HNRNPR: variants seen among roughly 807,000 people sequenced by gnomAD.
HNRNPR encodes the protein heterogeneous nuclear ribonucleoprotein R.
In HNRNPR, 4 loss-of-function variants were observed where a neutral mutation model predicts 70.3. The observed-to-expected ratio is 0.06, with a 90% CI of 0.03 to 0.13. HNRNPR has a LOEUF of 0.13. Among genes scored for constraint, HNRNPR ranks in the 10% least tolerant of loss-of-function variants. The pLI is 1.00. For synonymous variants in HNRNPR, 241 were observed against 267.6 expected (o/e 0.90, Z 0.97); for missense variants, 423 against 788.5 (o/e 0.54, Z 5.55).
At chr1:23,315,289 A>AG (rs1376055957) in intron 8 of HNRNPR, among the ~76,000 whole-genome samples, 5 of 150,186 alleles carry the variant, frequency 3.3e-5, no homozygotes, top group Admixed American at 6.7e-5. Flanking sequence ...CAAAAAAAAA[A>AG]AAAAAAAAAA....
intron 5 of HNRNPR, among the ~76,000 whole-genome samples, chr1:23,325,863 TGTTTG>T (rs1645952199): frequency 2.0e-5 from 3 of 152,106 alleles, no homozygotes; most frequent in African/African-American, 7.2e-5. Flanking sequence ...CACTGATAAA[TGTTTG>T]GTTTGTTTTT....
rs1318149011 is a variant in HNRNPR at position 23,308,753 on chromosome 1, AAAG to A, written c.*1698_*1700del. On this transcript the variant is annotated 3_prime_UTR_variant, in exon 11 of 11. Transcript: ENST00000302271. The stretch of plus-strand genomic sequence containing the variant: ...AAATAGTAATCTTAAATTGAAATGA[AAAG>A]AAGCCATGAAACCCAATATGATCTA... 1.3e-5 allele frequency: 2 copies of A among 152,076 alleles called. No homozygotes were observed. The highest frequency in any genetic ancestry group is 6.5e-5 in the Admixed American group (1 of 15,290). The allele number at this position is 152,076 out of a possible 1,614,324, so 9.4% of individuals were successfully genotyped here.
chr1:23,336,767 CAAAA>C (rs34880516), intron 4 of HNRNPR, among the ~76,000 whole-genome samples: 2 of 59,588 alleles, frequency 3.4e-5, no homozygotes, highest in Non-Finnish European at 4.0e-5. Context: ...GACTCTGTCT[CAAAA>C]AAAAAAAAAA....
At chr1:23,320,308 G>A (rs1160708345) in intron 7 of HNRNPR, among the ~76,000 whole-genome samples, 1 of 152,214 alleles carries the variant, frequency 6.6e-6, no homozygotes, top group African/African-American at 2.4e-5. Context: ...GGTAGCAGTG[G>A]TTACAAAGTG....
At position 23,333,607 on chromosome 1, in the gene HNRNPR, T is replaced by C; in HGVS notation, c.409A>G (p.Thr137Ala). ...CTCTGTCCTGTGGTTACATCCAGAGTATAACCAGTTCTCTCAAGCAAGGCC... is the reference window on the plus strand; with the variant it reads ...CTCTGTCCTGTGGTTACATCCAGAGCATAACCAGTTCTCTCAAGCAAGGCC... ...IKALLERTGYTLDVTTGQRKY... is the reference protein window; with the variant it reads ...IKALLERTGYALDVTTGQRKY... Residue 137 changes from threonine to alanine, a missense_variant, in exon 5 of 11, where the codon ACT becomes GCT. Physicochemically the swap from Thr to Ala is moderately conservative, Grantham distance 58. This residue lies in a region of HNRNPR where 118 missense variants were observed against 239.3 expected (regional missense o/e 0.49). Coordinates refer to ENST00000302271, the MANE Select transcript of HNRNPR (RefSeq NM_005826.5). The C allele has an allele frequency of 4.3e-6, 7 of 1,611,714 alleles. No homozygotes were observed. The highest frequency in any genetic ancestry group is 5.9e-6 in the Non-Finnish European group (7 of 1,177,784).
Position 23,338,539 on chromosome 1 carries a change from G to A in HNRNPR, c.227C>T (p.Ala76Val). ...DALREFNEEG[A>V]LSVLQQFKES... ...CTTGAACTGCTGTAGTACAGACAGA[G>A]CTCCTTCTTCATTAAATTCCCTGAG... Residue 76 changes from alanine (A) to valine (V), a missense_variant, in exon 3 of 11, where the codon GCT becomes GTT. Ala to Val is a moderately conservative substitution (Grantham distance 64). Around this residue, in one of 7 missense-constraint regions of HNRNPR, gnomAD observed 44 missense variants for 89.0 expected, o/e 0.49. Coordinates refer to ENST00000302271, the MANE Select transcript of HNRNPR (RefSeq NM_005826.5). 1.9e-6 allele frequency: 3 copies of A among 1,599,110 alleles called. No homozygotes were observed. The highest frequency in any genetic ancestry group is 2.6e-6 in the Non-Finnish European group (3 of 1,171,450).
chr1:23,327,229 C>T (rs1429295103), intron 5 of HNRNPR, among the ~76,000 whole-genome samples: 1 of 152,082 alleles, frequency 6.6e-6, no homozygotes, highest in African/African-American at 2.4e-5. Flanking sequence ...TGGCTCCCAC[C>T]CTACTCAGAA....
At position 23,309,287 on chromosome 1, in the gene HNRNPR, T is replaced by C. The variant is rs1183353610; in HGVS notation, c.*1167A>G. On this transcript the variant is annotated 3_prime_UTR_variant, in exon 11 of 11. Transcript: ENST00000302271. ...ATTCCTAAACCAGTAACTGAAATGGTAGTCACGATCATTTTCACTAAAACT... is the reference window on the plus strand; with the variant it reads ...ATTCCTAAACCAGTAACTGAAATGGCAGTCACGATCATTTTCACTAAAACT... The C allele has an allele frequency of 6.6e-6, 1 of 152,164 alleles. No homozygotes were observed. The highest frequency in any genetic ancestry group is 1.9e-4 in the East Asian group (1 of 5,202). The allele number at this position is 152,164 out of a possible 1,614,324, so 9.4% of individuals were successfully genotyped here.
intron 4 of HNRNPR, among the ~76,000 whole-genome samples, chr1:23,334,329 C>A (rs1445236564): frequency 6.6e-6 from 1 of 151,478 alleles, no homozygotes; most frequent in African/African-American, 2.4e-5. Context: ...CTCCGCCTCC[C>A]AGGTTCACGC....
chr1:23,326,170 C>T (rs1232682031), intron 5 of HNRNPR, among the ~76,000 whole-genome samples: 1 of 151,652 alleles, frequency 6.6e-6, no homozygotes, highest in Non-Finnish European at 1.5e-5. Context: ...CCACTGCGCC[C>T]GGCCTGTTTT....
At chr1:23,312,672 G>A (rs919161557) in intron 9 of HNRNPR, among the ~76,000 whole-genome samples, 1 of 151,994 alleles carries the variant, frequency 6.6e-6, no homozygotes, top group African/African-American at 2.4e-5. Context: ...AACCAATCAG[G>A]GATTCTATAA....
intron 9 of HNRNPR, among the ~76,000 whole-genome samples, chr1:23,312,080 A>G (rs1183726454): frequency 1.3e-5 from 2 of 152,246 alleles, no homozygotes; most frequent in Middle Eastern, 3.4e-3. Flanking sequence ...CCTCCTCATG[A>G]TATTTTATTT....
At chr1:23,329,655 A>G (rs1646137345) in intron 5 of HNRNPR, among the ~76,000 whole-genome samples, 2 of 152,218 alleles carry the variant, frequency 1.3e-5, no homozygotes, top group Admixed American at 6.5e-5. Context: ...TTTTGAGACA[A>G]GGTACTTGCT....
chr1:23,332,725 C>A (rs1159529055), intron 5 of HNRNPR, among the ~76,000 whole-genome samples: 18 of 146,044 alleles, frequency 1.2e-4, no homozygotes, highest in African/African-American at 4.0e-4. Context: ...CAAAACCAAA[C>A]CAAAAAAAAA....
chr1:23,331,958 C>G (rs1448627959), intron 5 of HNRNPR, among the ~76,000 whole-genome samples: 4 of 151,190 alleles, frequency 2.6e-5, no homozygotes, highest in Non-Finnish European at 4.4e-5. Flanking sequence ...TTGGCGCAAC[C>G]CCGTCTCCAC....
At position 23,340,985 on chromosome 1, in the gene HNRNPR, A is replaced by T; in HGVS notation, c.24T>A (p.Asn8Lys). Reference protein sequence around the residue: MANQVNGNAVQLKEEEEP... With the variant: MANQVNGKAVQLKEEEEP... ...CTTCCTCTTCTTTTAACTGTACCGCATTACCATTCACCTGATTAGCCATTT... is the reference window on the plus strand; with the variant it reads ...CTTCCTCTTCTTTTAACTGTACCGCTTTACCATTCACCTGATTAGCCATTT... Residue 8 changes from asparagine (N) to lysine (K), a missense_variant, in exon 2 of 11, where the codon AAT becomes AAA. This residue lies in a region of HNRNPR where 44 missense variants were observed against 89.0 expected (regional missense o/e 0.49). Coordinates refer to ENST00000302271, the MANE Select transcript of HNRNPR (RefSeq NM_005826.5). The T allele has an allele frequency of 2.5e-6, 4 of 1,611,498 alleles. No individual in the cohort carries two copies. Among genetic ancestry groups the T allele is most frequent in the Non-Finnish European group, 3.4e-6 (4 of 1,179,070 alleles).
rs559904757 is a variant in HNRNPR at position 23,308,173 on chromosome 1, T to C, written c.*2281A>G. ...ATTAGAGGGTACCTCTGCAAATATA[T>C]TTTTAATTAGTGAAAAGGACAGAGG... On this transcript the variant is annotated 3_prime_UTR_variant, in exon 11 of 11. Coordinates refer to ENST00000302271, the MANE Select transcript of HNRNPR (RefSeq NM_005826.5). 1.3e-5 allele frequency: 2 copies of C among 152,188 alleles called. No homozygotes were observed. The highest frequency in any genetic ancestry group is 4.1e-4 in the South Asian group (2 of 4,820). The allele number at this position is 152,188 out of a possible 1,614,324, so 9.4% of individuals were successfully genotyped here.
intron 7 of HNRNPR, among the ~76,000 whole-genome samples, chr1:23,320,667 CGCAGTGTTTT>C (rs1645719560): frequency 6.6e-6 from 1 of 152,078 alleles, no homozygotes; most frequent in African/African-American, 2.4e-5. Flanking sequence ...AGCGGTCTAA[CGCAGTGTTTT>C]TAAATCATAG....
At chr1:23,333,449 G>C in intron 5 of HNRNPR, 69 bp downstream of exon 5, 1 of 902,824 alleles carries the variant, frequency 1.1e-6, no homozygotes, top group South Asian at 1.4e-5. Context: ...CGTCTGTACA[G>C]TATCTGCATA....
Sources: gnomAD v4.1 joint callset for allele counts (sites outside exome capture counted in the v4.1 genomes callset) on GRCh38, gnomAD v4.1.1 for gene constraint, gnomAD v4.1.1 regional missense constraint, MANE v1.5 for transcripts, NCBI Gene and HGNC (gene_info 2026-07-23, HGNC 2026-07-21) for gene names.